COL25A1: variants seen among roughly 807,000 people sequenced by gnomAD.
The protein encoded by COL25A1 is collagen alpha-1(XXV) chain.
In COL25A1, 103 loss-of-function variants were observed where a neutral mutation model predicts 128.4. That is an observed-to-expected ratio of 0.80 (90% CI 0.68 to 0.94). COL25A1 has a LOEUF of 0.94. Among genes scored for constraint, COL25A1 ranks in the 40% least tolerant of loss-of-function variants. The pLI is 0.00. For missense variants in COL25A1, 745 were observed against 840.0 expected, an observed-to-expected ratio of 0.89 and a Z score of 1.40; for synonymous variants, 279 against 277.2, an observed-to-expected ratio of 1.01 and a Z score of -0.06.
intron 3 of COL25A1, among the ~76,000 whole-genome samples, chr4:109,105,543 A>T (rs1246795490): frequency 2.0e-5 from 3 of 152,132 alleles, no homozygotes; most frequent in Non-Finnish European, 4.4e-5. Context: ...ATTGTATTTA[A>T]ACTAAATGAA....
At chr4:109,170,389 C>T (rs1433562523) in intron 3 of COL25A1, among the ~76,000 whole-genome samples, 1 of 152,094 alleles carries the variant, frequency 6.6e-6, no homozygotes, top group Non-Finnish European at 1.5e-5. Flanking sequence ...TACTTCTGTT[C>T]GGTGCAGGCC....
At chr4:108,854,722 A>G (rs968994743) in intron 24 of COL25A1, among the ~76,000 whole-genome samples, 1 of 152,078 alleles carries the variant, frequency 6.6e-6, no homozygotes, top group African/African-American at 2.4e-5. Flanking sequence ...ACAGATGCTG[A>G]AAAGGATGTG....
intron 37 of COL25A1, among the ~76,000 whole-genome samples, chr4:108,815,458 A>G (rs1731159763): frequency 6.6e-6 from 1 of 152,160 alleles, no homozygotes; most frequent in South Asian, 2.1e-4. Flanking sequence ...CATTTTCTAA[A>G]TTGTTTCTTT....
chr4:108,856,660 A>G (rs1736545331), intron 24 of COL25A1, among the ~76,000 whole-genome samples: 1 of 152,182 alleles, frequency 6.6e-6, no homozygotes, highest in Admixed American at 6.6e-5. Context: ...AACCAACCCA[A>G]TAAGAATAAT....
intron 3 of COL25A1, among the ~76,000 whole-genome samples, chr4:109,133,920 C>T (rs1467423291): frequency 6.6e-6 from 1 of 152,112 alleles, no homozygotes; most frequent in African/African-American, 2.4e-5. Flanking sequence ...GGCAAGTATA[C>T]TGATTGAGAT....
At chr4:109,094,866 C>T (rs1220016583) in intron 3 of COL25A1, among the ~76,000 whole-genome samples, 2 of 152,176 alleles carry the variant, frequency 1.3e-5, no homozygotes, top group Admixed American at 6.5e-5. Context: ...TCTTCCAAAA[C>T]TACAAAAAGT....
chr4:109,265,772 G>A (rs187571026), intron 3 of COL25A1, among the ~76,000 whole-genome samples: 1 of 152,160 alleles, frequency 6.6e-6, no homozygotes, highest in African/African-American at 2.4e-5. Flanking sequence ...CTGCTAAATG[G>A]TAATTTAAAA....
At chr4:109,185,682 G>C (rs1232787084) in intron 3 of COL25A1, among the ~76,000 whole-genome samples, 4 of 152,158 alleles carry the variant, frequency 2.6e-5, no homozygotes, top group Admixed American at 6.5e-5. Flanking sequence ...AATAATTATG[G>C]TTAAATGAGG....
intron 8 of COL25A1, among the ~76,000 whole-genome samples, chr4:108,972,843 T>C (rs1365170279): frequency 6.6e-6 from 1 of 152,200 alleles, no homozygotes; most frequent in Non-Finnish European, 1.5e-5. Context: ...CAAGTCTTAG[T>C]TTGTAATGCA....
Position 108,810,664 on chromosome 4 carries a change from G to C in COL25A1, c.*3263C>G, listed in dbSNP as rs1023565730. ...AGTGAATGAAAAAGATGAGACACAT[G>C]AAAGTAGATAAAGGCATATGATGTA... On this transcript the variant is annotated 3_prime_UTR_variant, in exon 38 of 38. Coordinates refer to ENST00000399132, the MANE Select transcript of COL25A1 (RefSeq NM_198721.4). The C allele has an allele frequency of 2.6e-5, 4 of 151,982 alleles. No individual in the cohort carries two copies. The highest frequency in any genetic ancestry group is 7.2e-5 in the African/African-American group (3 of 41,450). The allele number at this position is 151,982 out of a possible 1,614,324, so 9.4% of individuals were successfully genotyped here. A position where few individuals can be genotyped will look rare whatever the true frequency, so the allele number is the denominator to read the frequency against.
At chr4:108,921,590 C>T (rs541900420) in intron 11 of COL25A1, among the ~76,000 whole-genome samples, 1 of 152,248 alleles carries the variant, frequency 6.6e-6, no homozygotes, top group East Asian at 1.9e-4. Context: ...CATTCTCACT[C>T]TGTAACACTA....
At chr4:108,904,143 T>C (rs1015321523) in intron 13 of COL25A1, among the ~76,000 whole-genome samples, 1 of 152,116 alleles carries the variant, frequency 6.6e-6, no homozygotes, top group African/African-American at 2.4e-5. Context: ...CTGAGTTTCA[T>C]AGCCAAGCTA....
At chr4:109,115,869 G>A (rs1767500461) in intron 3 of COL25A1, among the ~76,000 whole-genome samples, 1 of 151,938 alleles carries the variant, frequency 6.6e-6, no homozygotes, top group African/African-American at 2.4e-5. Context: ...TCTCAATACT[G>A]CACATGAAAC....
intron 3 of COL25A1, among the ~76,000 whole-genome samples, chr4:109,158,842 T>C (rs1772278582): frequency 6.6e-6 from 1 of 152,244 alleles, no homozygotes; most frequent in Non-Finnish European, 1.5e-5. Context: ...ACACTTTCCT[T>C]GTAACACCTG....
At chr4:109,248,512 C>T (rs145705279) in intron 3 of COL25A1, among the ~76,000 whole-genome samples, 16 of 152,248 alleles carry the variant, frequency 1.1e-4, no homozygotes, top group Middle Eastern at 6.8e-3. Flanking sequence ...TGCTTGCCTC[C>T]GCTGACACAG....
At chr4:109,018,492 G>A (rs1457631069) in intron 5 of COL25A1, among the ~76,000 whole-genome samples, 2 of 152,016 alleles carry the variant, frequency 1.3e-5, no homozygotes, top group Non-Finnish European at 2.9e-5. Context: ...CCAAAGTGCT[G>A]GGATTACAGG....
chr4:109,117,616 A>T (rs963061532), intron 3 of COL25A1, among the ~76,000 whole-genome samples: 1 of 151,958 alleles, frequency 6.6e-6, no homozygotes, highest in Non-Finnish European at 1.5e-5. Context: ...TATTTCCCTT[A>T]TTCTTAGTTG....
chr4:108,944,111 G>A (rs1748452176), intron 8 of COL25A1, among the ~76,000 whole-genome samples: 1 of 152,146 alleles, frequency 6.6e-6, no homozygotes, highest in Non-Finnish European at 1.5e-5. Context: ...TTGACTCTCA[G>A]TCTTCGGTAC....
At chr4:109,089,632 A>G (rs12643075) in intron 3 of COL25A1, among the ~76,000 whole-genome samples, 35,086 of 151,784 alleles carry the variant, frequency 0.23, 5,218 homozygotes, top group African/African-American at 0.4. Flanking sequence ...TTGAGACAAG[A>G]TCTTGCTCTG....
Sources: gnomAD v4.1 joint callset for allele counts (sites outside exome capture counted in the v4.1 genomes callset) on GRCh38, gnomAD v4.1.1 for gene constraint, MANE v1.5 for transcripts, NCBI Gene and HGNC (gene_info 2026-07-23, HGNC 2026-07-21) for gene names.